CRABP1: variants seen among roughly 807,000 people sequenced by gnomAD.
The protein encoded by CRABP1 is cellular retinoic acid-binding protein 1.
Under a neutral mutation model 16.4 loss-of-function variants are expected in CRABP1, and 9 were observed. That is an observed-to-expected ratio of 0.55 (90% CI 0.33 to 0.96). The LOEUF is 0.96. Among genes scored for constraint, CRABP1 ranks in the 40% least tolerant of loss-of-function variants. The pLI is 0.03. For missense variants in CRABP1, 157 were observed against 186.0 expected (o/e 0.84, Z 0.91); for synonymous variants, 72 against 70.4 (o/e 1.02, Z -0.11).
At chr15:78,343,778 A>G (rs2050249208) in intron 3 of CRABP1, among the ~76,000 whole-genome samples, 166 bp downstream of exon 3, 1 of 152,212 alleles carries the variant, frequency 6.6e-6, no homozygotes, top group Admixed American at 6.5e-5. Context: ...GTCAGAGGAA[A>G]TCATTGTTAA....
chr15:78,341,544 CAGG>C lies in CRABP1; in HGVS notation c.249+336_249+338del, dbSNP rs2050235129. On this transcript the variant is annotated intron_variant, in intron 2 of 3. Coordinates refer to ENST00000299529, the MANE Select transcript of CRABP1 (RefSeq NM_004378.3). The surrounding 1 kb of genome is among the most constrained non-coding windows in gnomAD (Gnocchi z 5.3). ...TTTGCAGCGCCAAGCGCAGGCGGCG[CAGG>C]AGGAGGAGGAGGTTGCAGGAGCCGC... 2.0e-4 allele frequency: 69 copies of C among 352,118 alleles called. No homozygotes were observed. Among genetic ancestry groups the C allele is most frequent in the South Asian group, 2.4e-4 (10 of 41,138 alleles). 21.8% of individuals were successfully genotyped at this position (352,118 alleles called of 1,614,324 possible). A position where few individuals can be genotyped will look rare whatever the true frequency, so the allele number is the denominator to read the frequency against.
chr15:78,346,405 G>A (rs1036395102), intron 3 of CRABP1, among the ~76,000 whole-genome samples: 3 of 152,270 alleles, frequency 2.0e-5, no homozygotes, highest in South Asian at 2.1e-4. Context: ...AGTGGCTCAC[G>A]CTTGTAATCC....
At position 78,341,637 on chromosome 15, in the gene CRABP1, C is replaced by CGG. The variant is rs1347527186; in HGVS notation, c.249+417_249+418insGG. ...CCTTTCCCGCCGTATCCCCCGCGCCCGCCCGGGTCCCTGGGCCGCCTGGGT... is the reference window on the plus strand; with the variant it reads ...CCTTTCCCGCCGTATCCCCCGCGCCCGGGCCCGGGTCCCTGGGCCGCCTGGGT... On this transcript the variant is annotated intron_variant, in intron 2 of 3. Coordinates refer to ENST00000299529, the MANE Select transcript of CRABP1 (RefSeq NM_004378.3). The surrounding 1 kb of genome is among the most constrained non-coding windows in gnomAD (Gnocchi z 5.3). The CGG allele has an allele frequency of 7.0e-6, 2 of 285,670 alleles. No homozygotes were observed. Among genetic ancestry groups the CGG allele is most frequent in the Non-Finnish European group, 1.4e-5 (2 of 144,982 alleles). 17.7% of individuals were successfully genotyped at this position (285,670 alleles called of 1,614,324 possible). A position where few individuals can be genotyped will look rare whatever the true frequency, so the allele number is the denominator to read the frequency against.
Position 78,340,390 on chromosome 15 carries a change from C to G in CRABP1, c.-39C>G. ...GCGAGCTCAGAGTGTGCCCGCTGCG[C>G]CGCCGCTGTCCGTACCTGCCGCCGC... On this transcript the variant is annotated 5_prime_UTR_variant, in exon 1 of 4. Coordinates refer to ENST00000299529, the MANE Select transcript of CRABP1 (RefSeq NM_004378.3). 1 of 1,562,208 alleles carries G rather than the reference C, an allele frequency of 6.4e-7. No individual in the cohort carries two copies. Among genetic ancestry groups the G allele is most frequent in the Non-Finnish European group, 8.7e-7 (1 of 1,154,318 alleles).
chr15:78,340,827 GA>G (rs1462575491), intron 1 of CRABP1: 1 of 619,918 alleles, frequency 1.6e-6, no homozygotes, highest in Non-Finnish European at 2.8e-6. Flanking sequence ...TCAAATTTGG[GA>G]CCAGGCTCTG....
chr15:78,347,940 A>G lies in CRABP1; in HGVS notation c.377A>G (p.Asp126Gly). Residue 126 changes from aspartate to glycine, a missense_variant, in exon 4 of 4, where the codon GAT becomes GGT. Physicochemically the swap from Asp to Gly is moderately conservative, Grantham distance 94. Transcript: ENST00000299529. Reference sequence around the variant, plus strand: ...TCTTCTCTGCAGACGTTTGGCGCCGATGACGTGGTCTGCACCAGAATTTAT... The same window carrying G: ...TCTTCTCTGCAGACGTTTGGCGCCGGTGACGTGGTCTGCACCAGAATTTAT... ...NDELILTFGA[D>G]DVVCTRIYVR... 1 of 1,614,134 alleles carries G rather than the reference A, an allele frequency of 6.2e-7. No individual in the cohort carries two copies. Among genetic ancestry groups the G allele is most frequent in the Admixed American group, 1.7e-5 (1 of 59,998 alleles).
chr15:78,347,225 C>T (rs1163569842), intron 3 of CRABP1, among the ~76,000 whole-genome samples: 2 of 152,084 alleles, frequency 1.3e-5, no homozygotes, highest in African/African-American at 4.8e-5. Flanking sequence ...GCTGGAAGAG[C>T]CTTTGCGATG....
At position 78,348,115 on chromosome 15, in the gene CRABP1, A is replaced by G. The variant is rs982305987; in HGVS notation, c.*138A>G. The G allele has an allele frequency of 7.7e-6, 6 of 779,234 alleles. No homozygotes were observed. In the African/African-American group the frequency reaches 8.6e-5, roughly 11 times the overall value. The allele number at this position is 779,234 out of a possible 1,614,324, so 48.3% of individuals were successfully genotyped here. A position where few individuals can be genotyped will look rare whatever the true frequency, so the allele number is the denominator to read the frequency against. ...CCCGTTTTCCCCATGACAATGTTGT[A>G]GTGTCCCCCACCCCCACCCCCCAGG... On this transcript the variant is annotated 3_prime_UTR_variant, in exon 4 of 4. Transcript: ENST00000299529.
At chr15:78,343,892 A>G (rs1281564699) in intron 3 of CRABP1, among the ~76,000 whole-genome samples, 1 of 152,190 alleles carries the variant, frequency 6.6e-6, no homozygotes, top group African/African-American at 2.4e-5. Flanking sequence ...TGGCGGTGAC[A>G]TGCTTTAAGC....
intron 3 of CRABP1, among the ~76,000 whole-genome samples, chr15:78,346,866 T>C (rs984043773): frequency 3.3e-5 from 5 of 152,360 alleles, no homozygotes; most frequent in Middle Eastern, 6.8e-3. Context: ...AACATCTCTG[T>C]AATTTCAGGC....
rs28638130 is a variant in CRABP1, at chr15:78,341,007, G to A, written c.71-36G>A. 835 of 1,578,938 alleles carry A rather than the reference G, an allele frequency of 5.3e-4. 4 individuals are homozygous for A. In the African/African-American group the frequency reaches 9.1e-3, roughly 17 times the overall value. Reference sequence around the variant, plus strand: ...GACCGGTCCCGAGACTGGCGGCGAGGCCCCGTGACCCAAGCCTGTGGTGCA... The same window carrying A: ...GACCGGTCCCGAGACTGGCGGCGAGACCCCGTGACCCAAGCCTGTGGTGCA... On this transcript the variant is annotated intron_variant, in intron 1 of 3. Coordinates refer to ENST00000299529, the MANE Select transcript of CRABP1 (RefSeq NM_004378.3). This position sits in a 1 kb window ranked among gnomAD's most constrained non-coding sequence, Gnocchi z 5.3.
chr15:78,341,211 G>GC lies in CRABP1; in HGVS notation c.240dup (p.Lys81GlnfsTer11). ...TTTGAGGAGGAGACCGTGGACGGAC[G>GC]CAAGTGCAGGGTGAGGCCCCAGAGC... On this transcript the variant is annotated frameshift_variant, in exon 2 of 4. Transcript: ENST00000299529. LOFTEE classifies it high-confidence loss of function. This position sits in a 1 kb window ranked among gnomAD's most constrained non-coding sequence, Gnocchi z 5.3. 6.2e-7 allele frequency: 1 copy of GC among 1,609,774 alleles called. No homozygotes were observed. The highest frequency in any genetic ancestry group is 8.5e-7 in the Non-Finnish European group (1 of 1,178,246).
intron 2 of CRABP1, among the ~76,000 whole-genome samples, chr15:78,342,166 G>T (rs2050239122): frequency 6.6e-6 from 1 of 152,114 alleles, no homozygotes; most frequent in African/African-American, 2.4e-5. Flanking sequence ...GATCTAGGAG[G>T]CAATCTTTGG....
chr15:78,343,447 C>G, intron 2 of CRABP1, 52 bp from the exon 3 acceptor site: 1 of 1,388,820 alleles, frequency 7.2e-7, no homozygotes, highest in Non-Finnish European at 1.0e-6. Context: ...GTTGTCCCTG[C>G]TCCCGCTGCT....
At chr15:78,346,757 T>TC (rs957947355) in intron 3 of CRABP1, among the ~76,000 whole-genome samples, 1 of 152,198 alleles carries the variant, frequency 6.6e-6, no homozygotes, top group African/African-American at 2.4e-5. Flanking sequence ...AGGATAATGT[T>TC]TTAGCATATG....
At chr15:78,340,638 G>A (rs1018499732) in intron 1 of CRABP1, 140 bp downstream of exon 1, 3 of 937,598 alleles carry the variant, frequency 3.2e-6, no homozygotes, top group Admixed American at 5.8e-5. Context: ...AGATCGCCTT[G>A]TCTCCCAGGC....
At chr15:78,343,667 G>A in intron 3 of CRABP1, 55 bp downstream of exon 3, 1 of 1,350,708 alleles carries the variant, frequency 7.4e-7, no homozygotes, top group Non-Finnish European at 1.1e-6. Context: ...GGGGGCCCCA[G>A]ATGGGCCCCA....
In CRABP1 at chr15:78,348,022, CCT is replaced by C; in HGVS notation, c.*46_*47del. ...ACTTTCAGGAAGGGATGCAGGCTCCCCTGAGGAATATGTCATAGTTCTGAGCT... is the reference window on the plus strand; with the variant it reads ...ACTTTCAGGAAGGGATGCAGGCTCCCGAGGAATATGTCATAGTTCTGAGCT... On this transcript the variant is annotated 3_prime_UTR_variant, in exon 4 of 4. Coordinates refer to ENST00000299529, the MANE Select transcript of CRABP1 (RefSeq NM_004378.3). 1 of 1,586,320 alleles carries C rather than the reference CCT, an allele frequency of 6.3e-7. No homozygotes were observed. The highest frequency in any genetic ancestry group is 8.6e-7 in the Non-Finnish European group (1 of 1,156,402).
intron 3 of CRABP1, among the ~76,000 whole-genome samples, chr15:78,345,901 T>C (rs545886766): frequency 5.3e-5 from 8 of 152,300 alleles, no homozygotes; most frequent in Admixed American, 2.0e-4. Context: ...AACAGTAAAT[T>C]GCCCCCAGGC....
Sources: gnomAD v4.1 joint callset for allele counts (sites outside exome capture counted in the v4.1 genomes callset) on GRCh38, gnomAD v4.1.1 for gene constraint, Gnocchi (gnomAD v3.1) non-coding constraint, MANE v1.5 for transcripts, NCBI Gene and HGNC (gene_info 2026-07-23, HGNC 2026-07-21) for gene names.